Variants in IL15 observed in about 807,000 individuals in gnomAD.
IL15 encodes the protein interleukin-15.
A neutral mutation model predicts 19.6 loss-of-function variants in IL15; 11 were observed. The observed-to-expected ratio is 0.56, with a 90% CI of 0.35 to 0.93. The LOEUF is 0.93. IL15 is among the 40% of genes least tolerant of loss of function. IL15 has a pLI of 0.01. For synonymous variants in IL15, 58 were observed against 59.6 expected (o/e 0.97, Z 0.12); for missense variants, 197 against 186.5 (o/e 1.06, Z -0.33).
At chr4:141,711,006 C>A (rs370377021) in intron 2 of IL15, among the ~76,000 whole-genome samples, 2 of 151,872 alleles carry the variant, frequency 1.3e-5, no homozygotes, top group African/African-American at 2.4e-5. Flanking sequence ...CCTAGCATTG[C>A]GACTGATGAT....
intron 1 of IL15, among the ~76,000 whole-genome samples, chr4:141,647,871 T>C (rs1185665554): frequency 6.6e-6 from 1 of 152,056 alleles, no homozygotes; most frequent in Non-Finnish European, 1.5e-5. Flanking sequence ...GTATCTGCAG[T>C]GTTTCACTGT....
intron 7 of IL15, among the ~76,000 whole-genome samples, chr4:141,732,450 A>G (rs1021702531): frequency 2.6e-5 from 4 of 152,188 alleles, no homozygotes; most frequent in Admixed American, 1.3e-4. Context: ...TTTATGCTAG[A>G]AGCAGATGAT....
chr4:141,692,692 G>C (rs2152177963), intron 2 of IL15, among the ~76,000 whole-genome samples: 1 of 152,128 alleles, frequency 6.6e-6, no homozygotes, highest in South Asian at 2.1e-4. Flanking sequence ...TTCCCAACAA[G>C]TTCTTCATCT....
At chr4:141,648,370 G>A (rs961674995) in intron 1 of IL15, among the ~76,000 whole-genome samples, 4 of 151,984 alleles carry the variant, frequency 2.6e-5, no homozygotes, top group Admixed American at 6.6e-5. Context: ...CAAAGTAAAT[G>A]CTTCAGTAAA....
Position 141,720,487 on chromosome 4 carries a change from A to G in IL15, c.31A>G (p.Ile11Val). 3 of 1,580,786 alleles carry G rather than the reference A, an allele frequency of 1.9e-6. No homozygotes were observed. Among genetic ancestry groups the G allele is most frequent in the Non-Finnish European group, 1.7e-6 (2 of 1,150,930 alleles). MRISKPHLRS[I>V]SIQCYLCLLL... ...TTTTCAGAAACCACATTTGAGAAGT[A>G]TTTCCATCCAGTGCTACTTGTGTTT... is the stretch of plus-strand genomic sequence containing the variant. The change falls in exon 4 of 8, where the codon ATT (isoleucine) becomes GTT (valine). Residue 11 changes from isoleucine (I) to valine (V), a missense_variant. By Grantham distance (29) the Ile-to-Val change is conservative (BLOSUM62 3). Coordinates refer to ENST00000320650, the MANE Select transcript of IL15 (RefSeq NM_000585.5).
chr4:141,678,069 C>T (rs13117878), intron 2 of IL15, among the ~76,000 whole-genome samples: 77,159 of 151,912 alleles, frequency 0.51, 19,913 homozygotes, highest in East Asian at 0.85. Context: ...CCTATATAGC[C>T]AGGCTATGTT....
chr4:141,656,131 G>C (rs1231496730), intron 1 of IL15, 55 bp from the exon 2 acceptor site: 1 of 397,338 alleles, frequency 2.5e-6, no homozygotes, highest in Non-Finnish European at 4.4e-6. Flanking sequence ...GAGGAAGGGA[G>C]GATTACTCAA....
intron 2 of IL15, among the ~76,000 whole-genome samples, chr4:141,656,646 A>T (rs775098137): frequency 1.3e-5 from 2 of 152,178 alleles, no homozygotes; most frequent in African/African-American, 4.8e-5. Flanking sequence ...TCCCACCAGA[A>T]GTATTTACAA....
chr4:141,730,583 T>A (rs1730419963), intron 7 of IL15, among the ~76,000 whole-genome samples: 2 of 152,168 alleles, frequency 1.3e-5, no homozygotes, highest in Admixed American at 1.3e-4. Context: ...AGAAGATAAA[T>A]GCTTTAAAAA....
At chr4:141,714,669 C>A (rs550818793) in intron 2 of IL15, 32 of 152,164 alleles carry the variant, frequency 2.1e-4, no homozygotes, top group African/African-American at 7.2e-4. Context: ...TTTGATGTGT[C>A]CATCATTCCC....
At chr4:141,703,263 A>T (rs1463161889) in intron 2 of IL15, among the ~76,000 whole-genome samples, 1 of 152,016 alleles carries the variant, frequency 6.6e-6, no homozygotes, top group African/African-American at 2.4e-5. Context: ...TGCTCTTCCC[A>T]CTCGCCACCA....
At chr4:141,730,876 A>G (rs1730429329) in intron 7 of IL15, among the ~76,000 whole-genome samples, 1 of 152,186 alleles carries the variant, frequency 6.6e-6, no homozygotes, top group Non-Finnish European at 1.5e-5. Context: ...AAAAATACCC[A>G]TAATCCCTGC....
chr4:141,696,053 T>C (rs757264952), intron 2 of IL15, among the ~76,000 whole-genome samples: 1 of 152,110 alleles, frequency 6.6e-6, no homozygotes, highest in African/African-American at 2.4e-5. Context: ...ATTTCCCCTA[T>C]ATTTTCTTCT....
intron 2 of IL15, among the ~76,000 whole-genome samples, chr4:141,664,611 G>T (rs1321774088): frequency 1.3e-5 from 2 of 152,052 alleles, no homozygotes; most frequent in Admixed American, 1.3e-4. Flanking sequence ...TCATAAAAAA[G>T]ATATTCAGCC....
intron 1 of IL15, among the ~76,000 whole-genome samples, chr4:141,638,613 A>G (rs1165792870): frequency 6.6e-6 from 1 of 152,228 alleles, no homozygotes; most frequent in Admixed American, 6.5e-5. Flanking sequence ...GCCAATGTCA[A>G]CAGCTATATT....
intron 2 of IL15, among the ~76,000 whole-genome samples, chr4:141,690,895 A>G (rs1432108438): frequency 6.6e-6 from 1 of 152,148 alleles, no homozygotes; most frequent in Non-Finnish European, 1.5e-5. Context: ...GCCATTGCCC[A>G]TTATTTCCAC....
intron 2 of IL15, among the ~76,000 whole-genome samples, chr4:141,708,079 C>T (rs894767917): frequency 6.6e-6 from 1 of 152,168 alleles, no homozygotes; most frequent in African/African-American, 2.4e-5. Flanking sequence ...AGTAGGTTGC[C>T]ACATGACCAC....
At chr4:141,674,517 C>T (rs559144749) in intron 2 of IL15, among the ~76,000 whole-genome samples, 114 of 151,784 alleles carry the variant, frequency 7.5e-4, no homozygotes, top group African/African-American at 2.6e-3. Context: ...ACCAGGGAGG[C>T]GGAGATTGCA....
chr4:141,720,970 C>T (rs1412529418), intron 4 of IL15: 1 of 584,380 alleles, frequency 1.7e-6, no homozygotes, highest in Non-Finnish European at 3.0e-6. Context: ...CAGTTTAAAA[C>T]ATTTCTTTCT....
Sources: gnomAD v4.1 joint callset for allele counts (sites outside exome capture counted in the v4.1 genomes callset) on GRCh38, gnomAD v4.1.1 for gene constraint, MANE v1.5 for transcripts, NCBI Gene and HGNC (gene_info 2026-07-23, HGNC 2026-07-21) for gene names.